Variants in KDM2A observed in about 807,000 individuals in gnomAD.
The protein encoded by KDM2A is lysine demethylase 2A.
A neutral mutation model predicts 137.3 loss-of-function variants in KDM2A; 3 were observed. The observed-to-expected ratio is 0.02, with a 90% CI of 0.01 to 0.06. The LOEUF is 0.06. KDM2A is among the 10% of genes least tolerant of loss of function. The pLI, the probability that KDM2A is intolerant of heterozygous loss-of-function variation, is 1.00. For missense variants in KDM2A, 738 were observed against 1,510.6 expected (o/e 0.49, Z 8.48); for synonymous variants, 512 against 541.5 (o/e 0.95, Z 0.76).
At chr11:67,215,737 T>A in intron 7 of KDM2A, 119 bp from the exon 8 acceptor site, 1 of 785,574 alleles carries the variant, frequency 1.3e-6, no homozygotes, top group Non-Finnish European at 2.2e-6. Flanking sequence ...TTTCTCCTTC[T>A]GGAACTTAAG....
At chr11:67,196,228 C>T (rs1031663497) in intron 5 of KDM2A, 1 of 456,102 alleles carries the variant, frequency 2.2e-6, no homozygotes, top group African/African-American at 2.0e-5. Context: ...GCTTGCAGCC[C>T]ATGAGCCTCA....
chr11:67,182,672 G>A (rs1857117205), intron 5 of KDM2A, among the ~76,000 whole-genome samples: 1 of 151,644 alleles, frequency 6.6e-6, no homozygotes, highest in Non-Finnish European at 1.5e-5. Flanking sequence ...AGCTGGGATT[G>A]CAGGCATGTG....
intron 12 of KDM2A, among the ~76,000 whole-genome samples, chr11:67,235,458 C>A (rs1858842563): frequency 6.6e-6 from 1 of 151,786 alleles, no homozygotes; most frequent in Admixed American, 6.6e-5. Flanking sequence ...GCATGCACCA[C>A]CACCCTGGCT....
rs770426802 is a variant in KDM2A, at chr11:67,217,880, C to G, written c.837C>G (p.Pro279=). The change falls in exon 9 of 21, where the codon CCC becomes CCG. Residue 279 remains proline, a synonymous_variant. Coordinates refer to ENST00000529006, the MANE Select transcript of KDM2A (RefSeq NM_012308.3). ...AGCAGGGCTATACCTTCGTCATTCC[C>G]TCAGGTAAGCAAAATGGGAAGAGTG... The part of the protein sequence containing the change: ...ELKQGYTFVI[P]SGWIHAVYTP... 6.3e-6 allele frequency: 10 copies of G among 1,598,946 alleles called. No homozygotes were observed. The South Asian group carries it at 1.1e-4, about 18-fold the overall frequency.
chr11:67,224,104 C>T (rs1858455443), intron 10 of KDM2A, among the ~76,000 whole-genome samples: 2 of 152,296 alleles, frequency 1.3e-5, no homozygotes, highest in Middle Eastern at 3.4e-3. Flanking sequence ...CCTTATTCCC[C>T]AGTGATGCCC....
intron 2 of KDM2A, among the ~76,000 whole-genome samples, chr11:67,152,576 C>CT (rs1856417435): frequency 6.6e-6 from 1 of 151,756 alleles, no homozygotes; most frequent in East Asian, 1.9e-4. Context: ...CCACTGCACT[C>CT]TAGCTTCAGT....
In KDM2A at chr11:67,249,964, C is replaced by T. The variant is rs544197395; in HGVS notation, c.2056-122C>T. Reference sequence around the variant, plus strand: ...CTGGGCCGACTCTGAGGGAATGACCCCCTCTCCAACGTGACCTTTCTTCTC... The same window carrying T: ...CTGGGCCGACTCTGAGGGAATGACCTCCTCTCCAACGTGACCTTTCTTCTC... On this transcript the variant is annotated intron_variant, in intron 16 of 20. Coordinates refer to ENST00000529006, the MANE Select transcript of KDM2A (RefSeq NM_012308.3). 30 of 633,638 alleles carry T rather than the reference C, an allele frequency of 4.7e-5. No individual in the cohort carries two copies. In the South Asian group the frequency reaches 6.2e-4, roughly 13 times the overall value. The allele number at this position is 633,638 out of a possible 1,614,324, so 39.3% of individuals were successfully genotyped here. A position where few individuals can be genotyped will look rare whatever the true frequency, so the allele number is the denominator to read the frequency against.
At chr11:67,222,059 C>CTTTTTTTTTTTTTTTTTTTTTGATTTTT (rs11373238) in intron 10 of KDM2A, among the ~76,000 whole-genome samples, 1 of 110,530 alleles carries the variant, frequency 9.0e-6, no homozygotes. Context: ...CTCTGTCATT[C>CTTTTTTTTTTTTTTTTTTTTTGATTTTT]TTTTTTTTTT....
intron 2 of KDM2A, among the ~76,000 whole-genome samples, chr11:67,155,816 A>C (rs1228570797): frequency 6.9e-6 from 1 of 144,234 alleles, no homozygotes; most frequent in Admixed American, 7.0e-5. Context: ...GGGTTTCTCC[A>C]TGTTGGTCAG....
chr11:67,190,757 TA>T (rs955234812), intron 5 of KDM2A, among the ~76,000 whole-genome samples: 33 of 147,316 alleles, frequency 2.2e-4, no homozygotes, highest in Admixed American at 2.7e-4. Context: ...CGAGACTCTT[TA>T]AAAAAAAAAA....
chr11:67,137,861 G>A (rs778630590), intron 2 of KDM2A, among the ~76,000 whole-genome samples: 27 of 152,128 alleles, frequency 1.8e-4, no homozygotes, highest in Admixed American at 1.2e-3. Context: ...GCAGTGGTGC[G>A]ATCTCGGCTC....
intron 2 of KDM2A, among the ~76,000 whole-genome samples, chr11:67,134,065 A>G (rs1301603417): frequency 6.6e-6 from 1 of 152,230 alleles, no homozygotes; most frequent in Non-Finnish European, 1.5e-5. Flanking sequence ...GAGGATTTTG[A>G]AGGCAAAGAC....
At chr11:67,144,627 G>A (rs917759165) in intron 2 of KDM2A, among the ~76,000 whole-genome samples, 3 of 151,696 alleles carry the variant, frequency 2.0e-5, no homozygotes, top group Non-Finnish European at 4.4e-5. Flanking sequence ...GAGTACAGTG[G>A]AACAGTAATA....
At chr11:67,131,178 G>A (rs1169841783) in intron 2 of KDM2A, among the ~76,000 whole-genome samples, 4 of 151,882 alleles carry the variant, frequency 2.6e-5, no homozygotes, top group Non-Finnish European at 5.9e-5. Context: ...TACAAAATTA[G>A]CTGGGCATGG....
chr11:67,208,732 C>T (rs1344164753), intron 6 of KDM2A, among the ~76,000 whole-genome samples: 2 of 147,666 alleles, frequency 1.4e-5, no homozygotes, highest in Non-Finnish European at 3.0e-5. Context: ...GATCATGCCA[C>T]TGCACTCCAG....
intron 16 of KDM2A, chr11:67,248,596 G>A: frequency 2.2e-6 from 1 of 463,768 alleles, no homozygotes. Flanking sequence ...CTTGGGATCT[G>A]CAAATTCCTA....
At chr11:67,252,602 T>TA in intron 17 of KDM2A, 92 bp from the exon 18 acceptor site, 1 of 1,364,216 alleles carries the variant, frequency 7.3e-7, no homozygotes, top group Non-Finnish European at 1.0e-6. Context: ...AGCCTCCAGG[T>TA]ACTCTGCTTT....
chr11:67,232,081 T>C, intron 12 of KDM2A, 121 bp downstream of exon 12: 3 of 899,068 alleles, frequency 3.3e-6, no homozygotes, highest in Non-Finnish European at 5.1e-6. Flanking sequence ...GAGAAGTTAA[T>C]ATGCATGTGT....
chr11:67,253,176 T>C (rs530965543), intron 18 of KDM2A, among the ~76,000 whole-genome samples: 1 of 152,368 alleles, frequency 6.6e-6, no homozygotes, highest in East Asian at 1.9e-4. Flanking sequence ...CAGCTCCTTA[T>C]AAGCCCTTGT....
Sources: gnomAD v4.1 joint callset for allele counts (sites outside exome capture counted in the v4.1 genomes callset) on GRCh38, gnomAD v4.1.1 for gene constraint, MANE v1.5 for transcripts, NCBI Gene and HGNC (gene_info 2026-07-23, HGNC 2026-07-21) for gene names.